The following DMD variants were observed in gnomAD, a reference collection of about 807,000 sequenced individuals.
DMD encodes the protein mutant dystrophin.
A neutral mutation model predicts 330.1 loss-of-function variants in DMD; 63 were observed. The ratio of observed to expected loss-of-function variants is 0.19; its 90% CI spans 0.16 to 0.24. The LOEUF (loss-of-function observed/expected upper bound fraction) is 0.24. Among genes scored for constraint, DMD ranks in the 10% least tolerant of loss-of-function variants. DMD has a pLI of 1.00. For synonymous variants in DMD, 1,223 were observed against 959.8 expected, an observed-to-expected ratio of 1.27 and a Z score of -5.07; for missense variants, 3,344 against 2,684.1, an observed-to-expected ratio of 1.25 and a Z score of -5.43.
At chrX:32,464,220 A>C (rs1004758208) in intron 24 of DMD, among the ~76,000 whole-genome samples, 1 of 111,975 alleles carries the variant, frequency 8.9e-6, no homozygotes, top group Non-Finnish European at 1.9e-5. Flanking sequence ...TGCATTTTAT[A>C]GTAAAATAAT....
At chrX:32,578,529 G>C (rs1159335986) in intron 13 of DMD, among the ~76,000 whole-genome samples, 1 of 111,779 alleles carries the variant, frequency 8.9e-6, no homozygotes, top group Non-Finnish European at 1.9e-5. Flanking sequence ...TCATATTGTT[G>C]TACGTGCCAA....
chrX:32,674,406 A>G (rs1182793198), intron 9 of DMD, among the ~76,000 whole-genome samples: 1 of 111,774 alleles, frequency 8.9e-6, no homozygotes, highest in African/African-American at 3.2e-5. Context: ...GAAAGTGAAT[A>G]TATGCTATGA....
At chrX:32,523,024 C>T (rs1316878970) in intron 17 of DMD, among the ~76,000 whole-genome samples, 1 of 111,611 alleles carries the variant, frequency 9.0e-6, no homozygotes, top group Non-Finnish European at 1.9e-5. Flanking sequence ...CTTAGAGGTC[C>T]CTGAAACTCA....
At chrX:32,978,382 C>T (rs926527217) in intron 2 of DMD, among the ~76,000 whole-genome samples, 1 of 112,376 alleles carries the variant, frequency 8.9e-6, no homozygotes, top group African/African-American at 3.2e-5. Context: ...CTATTTCTGC[C>T]TTTATCTCAG....
At chrX:32,062,879 T>G (rs1603623731) in intron 44 of DMD, among the ~76,000 whole-genome samples, 2 of 109,018 alleles carry the variant, frequency 1.8e-5, no homozygotes, top group South Asian at 7.8e-4. Context: ...GAGTTGGAAC[T>G]GATATTCAAT....
At chrX:33,125,808 G>C (rs2095460230) in intron 1 of DMD, among the ~76,000 whole-genome samples, 1 of 111,545 alleles carries the variant, frequency 9.0e-6, no homozygotes, top group African/African-American at 3.2e-5. Context: ...GTATAGTATA[G>C]ATTCAAGTGC....
At chrX:32,450,946 AGAT>A (rs1324332359) in intron 26 of DMD, among the ~76,000 whole-genome samples, 9 of 111,234 alleles carry the variant, frequency 8.1e-5, no homozygotes, top group African/African-American at 1.6e-4. Flanking sequence ...TGAGGAAAGA[AGAT>A]GATGATGAAT....
chrX:32,088,677 AGTGTGTGTGTGTGT>A (rs34596391), intron 44 of DMD, among the ~76,000 whole-genome samples: 5 of 97,399 alleles, frequency 5.1e-5, no homozygotes, highest in African/African-American at 1.5e-4. Flanking sequence ...ATAGCTCTGA[AGTGTGTGTGTGTGT>A]GTGTGTGTGT....
At chrX:32,680,610 G>T (rs1431615010) in intron 9 of DMD, among the ~76,000 whole-genome samples, 1 of 111,932 alleles carries the variant, frequency 8.9e-6, no homozygotes, top group African/African-American at 3.2e-5. Context: ...AATTATGAAT[G>T]CCCAATATTT....
chrX:31,396,273 G>A (rs1442034730), intron 60 of DMD, among the ~76,000 whole-genome samples: 1 of 110,098 alleles, frequency 9.1e-6, no homozygotes, highest in Non-Finnish European at 1.9e-5. Flanking sequence ...GAGTAGCTGG[G>A]ACTACAGGCG....
At chrX:32,614,515 A>G (rs2057411128) in intron 11 of DMD, 62 bp from the exon 12 acceptor site, 1 of 927,857 alleles carries the variant, frequency 1.1e-6, no homozygotes, top group South Asian at 2.1e-5. Context: ...TGAACATCAC[A>G]ATGTAAAACA....
chrX:32,423,448 GATT>G (rs1388936037), intron 29 of DMD, among the ~76,000 whole-genome samples: 1 of 109,705 alleles, frequency 9.1e-6, no homozygotes, highest in African/African-American at 3.3e-5. Context: ...TGCAGTACAT[GATT>G]ATATGTATAC....
chrX:32,095,988 G>C (rs1426600074), intron 44 of DMD, among the ~76,000 whole-genome samples: 2 of 110,811 alleles, frequency 1.8e-5, no homozygotes, highest in African/African-American at 6.6e-5. Context: ...CATGTGCCAT[G>C]TTGGTGTGCT....
chrX:33,316,033 T>C (rs2053928683), intron 1 of DMD, among the ~76,000 whole-genome samples: 1 of 110,800 alleles, frequency 9.0e-6, no homozygotes, highest in African/African-American at 3.3e-5. Flanking sequence ...TTCCTATATG[T>C]AGAATAAAAA....
chrX:31,778,856 A>G (rs1360786586), intron 50 of DMD, among the ~76,000 whole-genome samples: 1 of 111,814 alleles, frequency 8.9e-6, no homozygotes, highest in African/African-American at 3.3e-5. Flanking sequence ...GGCATGAGCC[A>G]CCATGCCCGG....
chrX:32,716,381 G>C (rs1353241024), intron 7 of DMD, among the ~76,000 whole-genome samples: 2 of 110,641 alleles, frequency 1.8e-5, no homozygotes, highest in Non-Finnish European at 3.8e-5. Context: ...GGCCATGTAA[G>C]GTATAAGATG....
intron 48 of DMD, among the ~76,000 whole-genome samples, chrX:31,857,295 C>G (rs1289229991): frequency 1.0e-5 from 1 of 99,163 alleles, no homozygotes; most frequent in Non-Finnish European, 2.0e-5. Context: ...AGGAGAATCC[C>G]TTGAACCCAG....
chrX:31,740,195 TA>T (rs1196097629), intron 51 of DMD, among the ~76,000 whole-genome samples: 5 of 112,280 alleles, frequency 4.5e-5, no homozygotes, highest in African/African-American at 9.7e-5. Flanking sequence ...AACGCATTTC[TA>T]AAGTGATATA....
In DMD at chrX:32,463,551, C is replaced by A. The variant is rs768653489; in HGVS notation, c.3320G>T (p.Ser1107Ile). The A allele has an allele frequency of 1.0e-5, 12 of 1,196,540 alleles. No homozygotes were observed. Among genetic ancestry groups the A allele is most frequent in the Non-Finnish European group, 1.2e-5 (11 of 887,023 alleles). ...DIQTIQPSLN[S>I]VNEGGQKIKN... ...TATCTTCTGCCCACCTTCATTGACA[C>A]TGTTTAGACTGGGCTGAATTGTCTG... Residue 1107 changes from serine to isoleucine, a missense_variant, in exon 25 of 79, where the codon AGT becomes ATT. By Grantham distance (142) the Ser-to-Ile change is moderately radical. Transcript: ENST00000357033.
Sources: allele counts gnomAD v4.1 joint callset (sites outside exome capture counted in the v4.1 genomes callset), GRCh38; gene constraint gnomAD v4.1.1; transcripts MANE v1.5; gene names NCBI Gene and HGNC (gene_info 2026-07-23, HGNC 2026-07-21).